Variants in MAGI3 observed in about 807,000 individuals in gnomAD.
MAGI3 encodes membrane associated guanylate kinase, WW and PDZ domain containing 3.
In MAGI3, 43 loss-of-function variants were observed where a neutral mutation model predicts 121.8. That is an observed-to-expected ratio of 0.35 (90% CI 0.28 to 0.46). The LOEUF (loss-of-function observed/expected upper bound fraction) is 0.46, where lower values mean the gene tolerates loss of function less well. Among genes scored for constraint, MAGI3 ranks in the 20% least tolerant of loss-of-function variants. The pLI, the probability that MAGI3 is intolerant of heterozygous loss-of-function variation, is 1.00. For missense variants in MAGI3, 1,547 were observed against 1,797.3 expected (o/e 0.86, Z 2.52); for synonymous variants, 553 against 639.3 (o/e 0.86, Z 2.04).
chr1:113,587,195 ATTTGTTTG>A (rs10644002), intron 4 of MAGI3, among the ~76,000 whole-genome samples: 1 of 150,874 alleles, frequency 6.6e-6, no homozygotes, highest in Non-Finnish European at 1.5e-5. Context: ...TTTTTTGTTT[ATTTGTTTG>A]TTTGTTTGTT....
rs150814784 is a variant in MAGI3 at position 113,631,182 on chromosome 1, A to G, written c.1360+8188A>G. 3.3e-5 allele frequency among the ~76,000 whole-genome samples: 5 copies of G among 152,302 alleles called. No homozygotes were observed. In the East Asian group the frequency reaches 9.6e-4, roughly 29 times the overall value. On this transcript the variant is annotated intron_variant, in intron 9 of 20. Transcript: ENST00000307546. ...GCATGCAAATTCTCACCACCAGTGCAGGGAGGATGGGGGAGTGGTAGCACT... is the reference window on the plus strand; with the variant it reads ...GCATGCAAATTCTCACCACCAGTGCGGGGAGGATGGGGGAGTGGTAGCACT...
intron 6 of MAGI3, among the ~76,000 whole-genome samples, chr1:113,595,264 C>T (rs943222438): frequency 6.6e-6 from 1 of 152,106 alleles, no homozygotes; most frequent in African/African-American, 2.4e-5. Context: ...GGTCATGCTA[C>T]TGCACTCCAG....
intron 1 of MAGI3, among the ~76,000 whole-genome samples, chr1:113,409,162 T>C (rs1035937676): frequency 3.4e-5 from 5 of 148,550 alleles, no homozygotes; most frequent in African/African-American, 1.2e-4. Flanking sequence ...AAAAAGGATC[T>C]GTTCTTTTTT....
At chr1:113,539,503 AG>A (rs1659171038) in intron 1 of MAGI3, among the ~76,000 whole-genome samples, 2 of 151,888 alleles carry the variant, frequency 1.3e-5, no homozygotes, top group South Asian at 4.2e-4. Context: ...TTTAAGAATG[AG>A]TTTGTTTTAT....
chr1:113,569,357 GTCAAGCCACCTTTTCTTTTCA>G (rs1307218743), intron 2 of MAGI3, among the ~76,000 whole-genome samples: 2 of 151,984 alleles, frequency 1.3e-5, no homozygotes, highest in Non-Finnish European at 2.9e-5. Flanking sequence ...ACCCGTTTCT[GTCAAGCCACCTTTTCTTTTCA>G]TTCCTTTCAT....
At chr1:113,669,865 T>C (rs751655435) in intron 16 of MAGI3, among the ~76,000 whole-genome samples, 10 of 152,108 alleles carry the variant, frequency 6.6e-5, no homozygotes, top group Non-Finnish European at 1.5e-4. Context: ...GTGGCATGTT[T>C]CAACTTATGT....
intron 1 of MAGI3, among the ~76,000 whole-genome samples, chr1:113,526,977 C>A (rs1658483772): frequency 6.6e-6 from 1 of 152,114 alleles, no homozygotes; most frequent in Non-Finnish European, 1.5e-5. Context: ...TCATTCTCCC[C>A]ATCTGTAAAA....
chr1:113,646,248 A>G (rs1652826464), intron 11 of MAGI3, among the ~76,000 whole-genome samples: 1 of 151,918 alleles, frequency 6.6e-6, no homozygotes, highest in Non-Finnish European at 1.5e-5. Context: ...CATAGGACTA[A>G]CTAAGGCTCT....
At chr1:113,440,617 G>T (rs972253921) in intron 1 of MAGI3, among the ~76,000 whole-genome samples, 4 of 152,152 alleles carry the variant, frequency 2.6e-5, no homozygotes, top group Admixed American at 2.6e-4. Flanking sequence ...CACTGGAAAA[G>T]TGGAGAACAA....
chr1:113,587,955 T>G (rs886180679), intron 4 of MAGI3, among the ~76,000 whole-genome samples: 1 of 152,224 alleles, frequency 6.6e-6, no homozygotes, highest in African/African-American at 2.4e-5. Flanking sequence ...AAATATGTAG[T>G]GAGCACTTAC....
chr1:113,650,347 G>T (rs1653087930), intron 13 of MAGI3, among the ~76,000 whole-genome samples: 1 of 151,946 alleles, frequency 6.6e-6, no homozygotes, highest in Non-Finnish European at 1.5e-5. Flanking sequence ...TTAAGAATTT[G>T]TCTCAAACAA....
intron 2 of MAGI3, among the ~76,000 whole-genome samples, chr1:113,563,691 G>C (rs1364933142): frequency 6.6e-6 from 1 of 152,190 alleles, no homozygotes; most frequent in Non-Finnish European, 1.5e-5. Context: ...AACATCCTCT[G>C]AGAACCAGTT....
chr1:113,558,842 G>A (rs1660100452), intron 2 of MAGI3, among the ~76,000 whole-genome samples: 1 of 152,180 alleles, frequency 6.6e-6, no homozygotes. Context: ...ACAAAGGGAA[G>A]CCACCAGATA....
intron 1 of MAGI3, among the ~76,000 whole-genome samples, chr1:113,425,498 A>G (rs1652962585): frequency 6.6e-6 from 1 of 151,696 alleles, no homozygotes; most frequent in Non-Finnish European, 1.5e-5. Flanking sequence ...GTTAGCCAGG[A>G]TGATCTCCAT....
intron 11 of MAGI3, among the ~76,000 whole-genome samples, chr1:113,646,092 G>A (rs1249045836): frequency 6.6e-6 from 1 of 151,846 alleles, no homozygotes; most frequent in Non-Finnish European, 1.5e-5. Context: ...ATGGGAGGTG[G>A]GCCGTGCTAA....
At chr1:113,440,565 C>G (rs961092281) in intron 1 of MAGI3, among the ~76,000 whole-genome samples, 1 of 152,164 alleles carries the variant, frequency 6.6e-6, no homozygotes, top group African/African-American at 2.4e-5. Context: ...AGCTTAGCTG[C>G]TCTCCTAACT....
chr1:113,562,710 A>G (rs2101690311), intron 2 of MAGI3, among the ~76,000 whole-genome samples: 1 of 152,342 alleles, frequency 6.6e-6, no homozygotes, highest in African/African-American at 2.4e-5. Context: ...GAGGAAGGAC[A>G]GCATCAGTAA....
chr1:113,553,335 CA>C (rs1455032131), intron 2 of MAGI3, among the ~76,000 whole-genome samples: 4 of 152,124 alleles, frequency 2.6e-5, no homozygotes, highest in African/African-American at 9.7e-5. Flanking sequence ...CAGAATGTCA[CA>C]GAGGAGAGGG....
intron 4 of MAGI3, among the ~76,000 whole-genome samples, chr1:113,589,300 G>A (rs945682400): frequency 6.6e-6 from 1 of 152,082 alleles, no homozygotes; most frequent in African/African-American, 2.4e-5. Context: ...ATCAACTAAA[G>A]AAATGTGCTA....
Sources: gnomAD v4.1 joint callset for allele counts (sites outside exome capture counted in the v4.1 genomes callset) on GRCh38, gnomAD v4.1.1 for gene constraint, MANE v1.5 for transcripts, NCBI Gene and HGNC (gene_info 2026-07-23, HGNC 2026-07-21) for gene names.